Variants in RAPGEF2 observed in about 807,000 individuals in gnomAD.
RAPGEF2 encodes the protein Rap guanine nucleotide exchange factor 2.
RAPGEF2 carries 54 observed loss-of-function variants against 186.7 expected under a neutral mutation model. That is an observed-to-expected ratio of 0.29 (90% CI 0.23 to 0.36). The LOEUF is 0.36. Among genes scored for constraint, RAPGEF2 ranks in the 10% least tolerant of loss-of-function variants. The pLI is 1.00. For synonymous variants in RAPGEF2, 712 were observed against 705.9 expected (o/e 1.01, Z -0.14); for missense variants, 1,532 against 2,045.0 (o/e 0.75, Z 4.84).
chr4:159,277,850 A>C (rs1335485577), intron 7 of RAPGEF2, among the ~76,000 whole-genome samples: 1 of 152,104 alleles, frequency 6.6e-6, no homozygotes, highest in Non-Finnish European at 1.5e-5. Flanking sequence ...GATAGATTGC[A>C]AAAATTTTCT....
intron 8 of RAPGEF2, among the ~76,000 whole-genome samples, chr4:159,304,847 G>A (rs193278998): frequency 2.8e-3 from 423 of 152,072 alleles, no homozygotes; most frequent in African/African-American, 9.7e-3. Context: ...CCCTACTCCC[G>A]CATGTGCTGA....
chr4:159,313,918 A>C (rs1487562494), intron 8 of RAPGEF2, among the ~76,000 whole-genome samples: 1 of 152,162 alleles, frequency 6.6e-6, no homozygotes, highest in Non-Finnish European at 1.5e-5. Context: ...GCCATCTTGA[A>C]ATGTGTGACT....
At chr4:159,313,241 A>G (rs1764163390) in intron 8 of RAPGEF2, among the ~76,000 whole-genome samples, 1 of 152,256 alleles carries the variant, frequency 6.6e-6, no homozygotes, top group Non-Finnish European at 1.5e-5. Flanking sequence ...TATATAAGCC[A>G]CATTCATATT....
intron 11 of RAPGEF2, among the ~76,000 whole-genome samples, chr4:159,324,153 C>T (rs1376693835): frequency 1.3e-5 from 2 of 152,070 alleles, no homozygotes; most frequent in Non-Finnish European, 2.9e-5. Context: ...CCTCAGCCTC[C>T]CAAAGTGCTG....
chr4:159,136,386 G>C (rs1259089072), intron 1 of RAPGEF2, among the ~76,000 whole-genome samples: 2 of 152,164 alleles, frequency 1.3e-5, no homozygotes, highest in Non-Finnish European at 2.9e-5. Flanking sequence ...ACTTCAGGAA[G>C]ACCAGGTTTG....
intron 9 of RAPGEF2, among the ~76,000 whole-genome samples, chr4:159,320,654 C>G (rs1362528524): frequency 2.6e-5 from 4 of 152,102 alleles, no homozygotes; most frequent in African/African-American, 9.7e-5. Flanking sequence ...CCAATCAGAA[C>G]ATGCCATTGC....
rs1732542929 is a variant in RAPGEF2 at position 159,359,949 on chromosome 4, G to A, written c.*1810G>A. 6.6e-6 allele frequency: 1 copy of A among 152,134 alleles called. No homozygotes were observed. The highest frequency in any genetic ancestry group is 1.5e-5 in the Non-Finnish European group (1 of 68,024). The allele number at this position is 152,134 out of a possible 1,614,324, so 9.4% of individuals were successfully genotyped here. ...TCAAGTGCAGAATGTACAATTAACT[G>A]GTGATTTCCTCATACTTTTGATACT... On this transcript the variant is annotated 3_prime_UTR_variant, in exon 30 of 30. Transcript: ENST00000691494.
chr4:159,323,305 C>T (rs992555751), intron 10 of RAPGEF2, among the ~76,000 whole-genome samples, 154 bp from the exon 11 acceptor site: 1 of 152,086 alleles, frequency 6.6e-6, no homozygotes, highest in Admixed American at 6.5e-5. Context: ...TGTTTTATTC[C>T]TTATTCTGTG....
intron 4 of RAPGEF2, among the ~76,000 whole-genome samples, chr4:159,217,744 C>T (rs1344630592): frequency 5.3e-5 from 8 of 152,224 alleles, no homozygotes; most frequent in Non-Finnish European, 1.2e-4. Context: ...CTGTTCTCCA[C>T]AATGTCTGAA....
intron 1 of RAPGEF2, among the ~76,000 whole-genome samples, chr4:159,170,790 T>G (rs1301395085): frequency 6.6e-6 from 1 of 152,270 alleles, no homozygotes; most frequent in Non-Finnish European, 1.5e-5. Flanking sequence ...TGTACCAATG[T>G]CATGGAACTT....
intron 2 of RAPGEF2, among the ~76,000 whole-genome samples, chr4:159,187,450 C>T (rs947857217): frequency 1.3e-5 from 2 of 152,184 alleles, no homozygotes; most frequent in African/African-American, 2.4e-5. Flanking sequence ...TACTACTTAG[C>T]ATTCAGATAT....
intron 17 of RAPGEF2, among the ~76,000 whole-genome samples, chr4:159,333,808 T>A (rs965227085): frequency 8.5e-5 from 13 of 152,218 alleles, no homozygotes. Flanking sequence ...TTAAAACATA[T>A]AATTTCGTGC....
intron 4 of RAPGEF2, among the ~76,000 whole-genome samples, chr4:159,231,016 G>A (rs1410114050): frequency 1.3e-5 from 2 of 152,144 alleles, no homozygotes; most frequent in African/African-American, 4.8e-5. Flanking sequence ...GTCATGCACT[G>A]TGTAATAATG....
chr4:159,201,076 T>A (rs1234864040), intron 3 of RAPGEF2, among the ~76,000 whole-genome samples: 1 of 152,222 alleles, frequency 6.6e-6, no homozygotes, highest in East Asian at 1.9e-4. Flanking sequence ...TGGCTTGATA[T>A]CATTGTTGGG....
chr4:159,267,395 G>T, intron 7 of RAPGEF2: 2 of 1,138,732 alleles, frequency 1.8e-6, no homozygotes, highest in Non-Finnish European at 2.3e-6. Flanking sequence ...CTGTGTTTCT[G>T]TTAGTGGCTC....
rs186810398 is a variant in RAPGEF2 at position 159,116,887 on chromosome 4, G to C, written c.69+12656G>C. Among the ~76,000 whole-genome samples, 307 of 152,242 alleles carry C rather than the reference G, an allele frequency of 2.0e-3. 2 individuals carry two copies. The highest frequency in any genetic ancestry group is 6.8e-3 in the African/African-American group (284 of 41,546). On this transcript the variant is annotated intron_variant, in intron 1 of 29. Transcript: ENST00000691494. ...GGACACTGGGGCCTGTCAGTGTTGG[G>C]GGAGGGAGAGCATCAGGAAAAACAG...
chr4:159,263,277 G>A (rs1000170754), intron 7 of RAPGEF2, among the ~76,000 whole-genome samples: 1 of 152,050 alleles, frequency 6.6e-6, no homozygotes. Context: ...GGATGTATTG[G>A]CTTTAGGAAA....
intron 1 of RAPGEF2, among the ~76,000 whole-genome samples, chr4:159,158,175 T>G (rs1018734722): frequency 1.3e-5 from 2 of 152,314 alleles, no homozygotes; most frequent in African/African-American, 4.8e-5. Context: ...TTGCCAAAAG[T>G]AAAAAGAGGC....
rs750705636 is a variant in RAPGEF2 at position 159,331,500 on chromosome 4, C to T, written c.1537C>T (p.Arg513Ter). 6.2e-7 allele frequency: 1 copy of T among 1,613,182 alleles called. No individual in the cohort carries two copies. Among genetic ancestry groups the T allele is most frequent in the Middle Eastern group, 1.7e-4 (1 of 6,058 alleles). Residue 513 changes from arginine (R) to a stop codon, truncating the protein, a stop_gained, in exon 14 of 30, where the codon CGA (arginine) becomes TGA (stop). Transcript: ENST00000691494. LOFTEE classifies it high-confidence loss of function. ...NDFEGDPAMT[R>*]FLEEFENNLE... The stretch of plus-strand genomic sequence containing the variant: ...CTTTGAAGGAGATCCTGCAATGACT[C>T]GATTTTTAGAAGAATTTGAAAACAA...
Sources: gnomAD v4.1 joint callset for allele counts (sites outside exome capture counted in the v4.1 genomes callset) on GRCh38, gnomAD v4.1.1 for gene constraint, MANE v1.5 for transcripts, NCBI Gene and HGNC (gene_info 2026-07-23, HGNC 2026-07-21) for gene names.